Variants in CADPS2 observed in about 807,000 individuals in gnomAD.
CADPS2 encodes calcium-dependent secretion activator 2.
In CADPS2, 93 loss-of-function variants were observed where a neutral mutation model predicts 172.5. The observed-to-expected ratio is 0.54, with a 90% CI of 0.46 to 0.64. The LOEUF is 0.64. Among genes scored for constraint, CADPS2 ranks in the 30% least tolerant of loss-of-function variants. CADPS2 has a pLI of 0.00. For missense variants in CADPS2, 1,420 were observed against 1,565.9 expected (o/e 0.91, Z 1.57); for synonymous variants, 546 against 555.2 (o/e 0.98, Z 0.23).
chr7:122,398,590 C>G (rs908556444), intron 20 of CADPS2, among the ~76,000 whole-genome samples: 1 of 152,086 alleles, frequency 6.6e-6, no homozygotes, highest in Non-Finnish European at 1.5e-5. Flanking sequence ...GCACAGTGGA[C>G]TAAGAAAATT....
At chr7:122,827,013 CT>C (rs1213564247) in intron 1 of CADPS2, among the ~76,000 whole-genome samples, 1 of 152,026 alleles carries the variant, frequency 6.6e-6, no homozygotes, top group African/African-American at 2.4e-5. Context: ...AGAAAAACAA[CT>C]GGTAAACCTC....
chr7:122,341,756 C>A (rs2036821121), intron 28 of CADPS2, among the ~76,000 whole-genome samples: 1 of 152,102 alleles, frequency 6.6e-6, no homozygotes, highest in Non-Finnish European at 1.5e-5. Flanking sequence ...TTGACGGGAT[C>A]TAGCCTAGGA....
intron 21 of CADPS2, 22 bp downstream of exon 21, chr7:122,393,419 G>C (rs200555155): frequency 1.2e-6 from 2 of 1,613,276 alleles, no homozygotes; most frequent in Non-Finnish European, 1.7e-6. Context: ...GGTGCTCTAC[G>C]GACACTAGGT....
intron 17 of CADPS2, among the ~76,000 whole-genome samples, chr7:122,434,813 T>G (rs570673602): frequency 6.6e-6 from 1 of 152,372 alleles, no homozygotes; most frequent in Non-Finnish European, 1.5e-5. Context: ...CTTTCAAAGT[T>G]AATAACTGCT....
chr7:122,611,239 G>C (rs2074252449), intron 6 of CADPS2, among the ~76,000 whole-genome samples: 1 of 152,020 alleles, frequency 6.6e-6, no homozygotes, highest in Non-Finnish European at 1.5e-5. Context: ...CAGAAAAATA[G>C]GAGAGAGTCC....
At chr7:122,550,940 C>T (rs899272504) in intron 8 of CADPS2, among the ~76,000 whole-genome samples, 1 of 151,984 alleles carries the variant, frequency 6.6e-6, no homozygotes, top group South Asian at 2.1e-4. Flanking sequence ...GCTAAATATA[C>T]GTCTTGTGGT....
Position 122,360,780 on chromosome 7 carries a change from ATACT to A in CADPS2, c.3504+4_3504+7del, listed in dbSNP as rs1360670179. ...TACAGTTTTAAAAAGCAGATAAAAA[ATACT>A]TACTGGAACATCAACATATTTTGCA... On this transcript the variant is annotated splice_donor_5th_base_variant and intron_variant, in intron 27 of 29. Coordinates refer to ENST00000449022, the MANE Select transcript of CADPS2 (RefSeq NM_017954.11). 8 of 1,550,036 alleles carry A rather than the reference ATACT, an allele frequency of 5.2e-6. No homozygotes were observed. The highest frequency in any genetic ancestry group is 1.2e-5 in the South Asian group (1 of 82,552).
At chr7:122,682,114 T>C (rs879423982) in intron 2 of CADPS2, among the ~76,000 whole-genome samples, 2 of 152,196 alleles carry the variant, frequency 1.3e-5, no homozygotes, top group African/African-American at 4.8e-5. Flanking sequence ...CTCCTTAACC[T>C]TGTACTTATG....
chr7:122,406,155 C>T (rs2046611970), intron 20 of CADPS2, among the ~76,000 whole-genome samples: 1 of 152,068 alleles, frequency 6.6e-6, no homozygotes, highest in Non-Finnish European at 1.5e-5. Context: ...GATTTCATGT[C>T]TATGTGATTT....
intron 20 of CADPS2, among the ~76,000 whole-genome samples, chr7:122,406,786 T>C (rs969319092): frequency 1.3e-5 from 2 of 152,092 alleles, no homozygotes; most frequent in African/African-American, 4.8e-5. Context: ...TGACAAGAAT[T>C]TTATTCAGTA....
At chr7:122,578,301 CAT>C (rs553820652) in intron 7 of CADPS2, among the ~76,000 whole-genome samples, 25 of 152,110 alleles carry the variant, frequency 1.6e-4, no homozygotes, top group South Asian at 8.3e-4. Context: ...TGTGTGTGCA[CAT>C]GTGTGTTCAG....
At chr7:122,801,182 G>A (rs147585257) in intron 1 of CADPS2, among the ~76,000 whole-genome samples, 14 of 152,180 alleles carry the variant, frequency 9.2e-5, no homozygotes, top group Non-Finnish European at 1.8e-4. Flanking sequence ...GGGAGAGATA[G>A]AGACCAAAAC....
At chr7:122,841,797 G>A (rs117499731) in intron 1 of CADPS2, among the ~76,000 whole-genome samples, 255 of 152,228 alleles carry the variant, frequency 1.7e-3, no homozygotes, top group Middle Eastern at 3.4e-3. Context: ...ATCAGCCTGA[G>A]TCAATACAAT....
At chr7:122,682,030 ATCTTTGAGTCTT>A (rs2083107471) in intron 2 of CADPS2, among the ~76,000 whole-genome samples, 1 of 152,158 alleles carries the variant, frequency 6.6e-6, no homozygotes, top group Non-Finnish European at 1.5e-5. Flanking sequence ...CTAATAGCAG[ATCTTTGAGTCTT>A]TCTTCCTAGG....
chr7:122,574,021 A>C (rs186693407), intron 7 of CADPS2, among the ~76,000 whole-genome samples: 14 of 152,268 alleles, frequency 9.2e-5, no homozygotes, highest in Non-Finnish European at 2.1e-4. Context: ...AATGGCAAAA[A>C]AAATGTTTAT....
intron 1 of CADPS2, among the ~76,000 whole-genome samples, chr7:122,786,112 C>G (rs1379271518): frequency 1.0e-5 from 1 of 100,194 alleles, no homozygotes; most frequent in African/African-American, 3.8e-5. Flanking sequence ...CTAGTAGTCT[C>G]GTCTATTTCA....
At chr7:122,416,479 A>G (rs2047934645) in intron 17 of CADPS2, among the ~76,000 whole-genome samples, 1 of 152,224 alleles carries the variant, frequency 6.6e-6, no homozygotes, top group Admixed American at 6.5e-5. Flanking sequence ...GAGAGCAGAT[A>G]CCACAGTCTT....
At chr7:122,626,310 G>C (rs1196475179) in intron 4 of CADPS2, among the ~76,000 whole-genome samples, 1 of 152,146 alleles carries the variant, frequency 6.6e-6, no homozygotes. Flanking sequence ...CCAGACAAGA[G>C]ACAAAGATGA....
intron 1 of CADPS2, among the ~76,000 whole-genome samples, chr7:122,847,457 C>A (rs1458075973): frequency 1.3e-5 from 2 of 152,214 alleles, no homozygotes; most frequent in Non-Finnish European, 2.9e-5. Flanking sequence ...CTCCTTTCAA[C>A]TCTGATGAGT....
Sources: gnomAD v4.1 joint callset for allele counts (sites outside exome capture counted in the v4.1 genomes callset) on GRCh38, gnomAD v4.1.1 for gene constraint, MANE v1.5 for transcripts, NCBI Gene and HGNC (gene_info 2026-07-23, HGNC 2026-07-21) for gene names.